ADAMTS18: variants seen among roughly 807,000 people sequenced by gnomAD.
The protein encoded by ADAMTS18 is ADAM metallopeptidase with thrombospondin type 1 motif 18, also known as A disintegrin and metalloproteinase with thrombospondin motifs 18.
Under a neutral mutation model 165.9 loss-of-function variants are expected in ADAMTS18, and 157 were observed. That is an observed-to-expected ratio of 0.95 (90% confidence interval 0.83 to 1.08). The LOEUF (loss-of-function observed/expected upper bound fraction) is 1.08. Ranked by LOEUF, ADAMTS18 falls within the 50% of genes least tolerant of loss-of-function variation. The pLI is 0.00. For synonymous variants in ADAMTS18, 782 were observed against 578.2 expected, an observed-to-expected ratio of 1.35 and a Z score of -5.06; for missense variants, 2,040 against 1,534.0, an observed-to-expected ratio of 1.33 and a Z score of -5.51.
At chr16:77,376,287 G>A (rs777851545) in intron 3 of ADAMTS18, among the ~76,000 whole-genome samples, 1 of 152,174 alleles carries the variant, frequency 6.6e-6, no homozygotes, top group African/African-American at 2.4e-5. Flanking sequence ...CAGATCTCAT[G>A]CAAACTCACT....
At chr16:77,313,778 T>C (rs550305644) in intron 16 of ADAMTS18, among the ~76,000 whole-genome samples, 12 of 152,288 alleles carry the variant, frequency 7.9e-5, no homozygotes, top group Admixed American at 3.9e-4. Flanking sequence ...CAAAAATTAA[T>C]GAAGTCCTGC....
chr16:77,325,751 G>A (rs2056083311), intron 13 of ADAMTS18, 115 bp downstream of exon 13: 7 of 1,072,376 alleles, frequency 6.5e-6, no homozygotes, highest in East Asian at 2.5e-5. Context: ...ATGGGTCTGG[G>A]GAGTGAAAGG....
intron 3 of ADAMTS18, among the ~76,000 whole-genome samples, chr16:77,387,578 A>G (rs1208348453): frequency 6.6e-6 from 1 of 152,180 alleles, no homozygotes; most frequent in African/African-American, 2.4e-5. Flanking sequence ...AATGTAAAGC[A>G]TTTGAATGCA....
intron 3 of ADAMTS18, among the ~76,000 whole-genome samples, chr16:77,403,411 G>A (rs922035369): frequency 6.6e-6 from 1 of 152,196 alleles, no homozygotes; most frequent in African/African-American, 2.4e-5. Flanking sequence ...GGCAGAGCCA[G>A]TATTTGAACT....
At chr16:77,303,242 C>G (rs568526343) in intron 16 of ADAMTS18, among the ~76,000 whole-genome samples, 1 of 152,276 alleles carries the variant, frequency 6.6e-6, no homozygotes, top group East Asian at 1.9e-4. Context: ...AAGTCAAAAG[C>G]CTTTTAATTT....
chr16:77,298,442 G>A (rs1056164182), intron 17 of ADAMTS18, among the ~76,000 whole-genome samples: 2 of 152,112 alleles, frequency 1.3e-5, no homozygotes, highest in African/African-American at 4.8e-5. Flanking sequence ...ATAATGATTA[G>A]CAGTTAGTCC....
At chr16:77,289,895 T>G (rs560425000) in intron 21 of ADAMTS18, among the ~76,000 whole-genome samples, 1 of 152,152 alleles carries the variant, frequency 6.6e-6, no homozygotes, top group Admixed American at 6.5e-5. Flanking sequence ...CATGACAGAG[T>G]TGGTGCTTCT....
chr16:77,387,369 T>C (rs538171100), intron 3 of ADAMTS18, among the ~76,000 whole-genome samples: 132 of 152,298 alleles, frequency 8.7e-4, no homozygotes, highest in African/African-American at 3.0e-3. Context: ...GCTCAGGTCA[T>C]CGCTGTCACG....
chr16:77,333,604 C>G (rs941977009), intron 12 of ADAMTS18, among the ~76,000 whole-genome samples: 3 of 151,380 alleles, frequency 2.0e-5, no homozygotes, highest in African/African-American at 7.3e-5. Flanking sequence ...AAGGAATACC[C>G]CAAAGAAGGG....
At chr16:77,340,713 T>C (rs1340285206) in intron 11 of ADAMTS18, among the ~76,000 whole-genome samples, 1 of 152,114 alleles carries the variant, frequency 6.6e-6, no homozygotes, top group Non-Finnish European at 1.5e-5. Context: ...CCCAAAGTGC[T>C]GGGACTACAG....
intron 12 of ADAMTS18, among the ~76,000 whole-genome samples, chr16:77,328,317 A>G (rs1470604741): frequency 6.6e-6 from 1 of 152,144 alleles, no homozygotes; most frequent in South Asian, 2.1e-4. Flanking sequence ...AAACTCAACT[A>G]TGGATCATCT....
chr16:77,323,764 A>G (rs551914345), intron 13 of ADAMTS18, among the ~76,000 whole-genome samples: 130 of 152,338 alleles, frequency 8.5e-4, no homozygotes, highest in African/African-American at 3.0e-3. Flanking sequence ...TATCAAAAGG[A>G]GACAAGGAGA....
At position 77,355,202 on chromosome 16, in the gene ADAMTS18, T is replaced by TTGTGTGTGTGTGTGTGTG. The variant is rs141620918; in HGVS notation, c.1460+720_1460+737dup. Among the ~76,000 whole-genome samples the TTGTGTGTGTGTGTGTGTG allele has an allele frequency of 1.5e-3, 226 of 146,696 alleles. 2 individuals are homozygous for TTGTGTGTGTGTGTGTGTG. The highest frequency in any genetic ancestry group is 5.6e-3 in the South Asian group (25 of 4,494). On this transcript the variant is annotated intron_variant, in intron 9 of 22. Coordinates refer to ENST00000282849, the MANE Select transcript of ADAMTS18 (RefSeq NM_199355.4). Reference sequence around the variant, plus strand: ...GTCAATATAGATTATAAAGGTAGGATTGTGTGTGTGTGTGTGTGTGTGTGT... The same window carrying TTGTGTGTGTGTGTGTGTG: ...GTCAATATAGATTATAAAGGTAGGATTGTGTGTGTGTGTGTGTGTGTGTGTGTGTGTGTGTGTGTGTGT...
chr16:77,295,847 CT>C (rs929212623), intron 18 of ADAMTS18, among the ~76,000 whole-genome samples: 1 of 151,866 alleles, frequency 6.6e-6, no homozygotes, highest in African/African-American at 2.4e-5. Context: ...TCAATTGAAA[CT>C]TTTTTTGTTT....
intron 17 of ADAMTS18, 28 bp downstream of exon 17, chr16:77,300,235 T>C: frequency 6.2e-7 from 1 of 1,613,708 alleles, no homozygotes; most frequent in Non-Finnish European, 8.5e-7. Context: ...GAGACAGACT[T>C]TGGAGACAGA....
At chr16:77,291,138 T>TCAGAA in intron 21 of ADAMTS18, 128 bp downstream of exon 21, 2 of 1,046,846 alleles carry the variant, frequency 1.9e-6, no homozygotes, top group Non-Finnish European at 2.9e-6. Context: ...CATTCTGCCT[T>TCAGAA]CAGAACTTGA....
In ADAMTS18 at chr16:77,282,904, CTCTTTTTTTTTT is replaced by C. The variant is rs1440585818; in HGVS notation, c.*1040_*1051del. On this transcript the variant is annotated 3_prime_UTR_variant, in exon 23 of 23. Transcript: ENST00000282849. The stretch of plus-strand genomic sequence containing the variant: ...TACCACTGTTTACTCCTTTCTTTCT[CTCTTTTTTTTTT>C]TTTTTTTTTTGCTGTTAGCTCAATC... 9.0e-5 allele frequency: 7 copies of C among 77,760 alleles called. No homozygotes were observed. Among genetic ancestry groups the C allele is most frequent in the Non-Finnish European group, 1.6e-4 (6 of 36,970 alleles). 4.8% of individuals were successfully genotyped at this position (77,760 alleles called of 1,614,324 possible).
At chr16:77,300,437 G>C (rs2055561287) in intron 16 of ADAMTS18, 33 bp from the exon 17 acceptor site, 1 of 1,613,014 alleles carries the variant, frequency 6.2e-7, no homozygotes, top group African/African-American at 1.3e-5. Flanking sequence ...CAGAGATCAA[G>C]ATACAGGTCA....
intron 10 of ADAMTS18, among the ~76,000 whole-genome samples, chr16:77,350,407 A>T (rs973561437): frequency 6.6e-6 from 1 of 152,150 alleles, no homozygotes; most frequent in African/African-American, 2.4e-5. Flanking sequence ...TGCTGAAGAC[A>T]TAAGGAAGAG....
Sources: allele counts gnomAD v4.1 joint callset (sites outside exome capture counted in the v4.1 genomes callset), GRCh38; gene constraint gnomAD v4.1.1; transcripts MANE v1.5; gene names NCBI Gene and HGNC (gene_info 2026-07-23, HGNC 2026-07-21).